XNDC1N: variants seen among roughly 807,000 people sequenced by gnomAD.
XNDC1N encodes protein XNDC1N.
the XNDC1N span, chr11:71,884,340 A>C: frequency 2.8e-6 from 4 of 1,414,080 alleles, no homozygotes; most frequent in Non-Finnish European, 2.8e-6. Context: ...ATTATAAAAC[A>C]TTTCAGACAT....
the XNDC1N span, among the ~76,000 whole-genome samples, chr11:71,899,924 A>T: frequency 0.022 from 3,341 of 152,310 alleles, 116 homozygotes; most frequent in African/African-American, 0.075. Context: ...ACCCGATTGT[A>T]CATTTGTTCA....
At chr11:71,881,690 C>A in the XNDC1N span, among the ~76,000 whole-genome samples, 1 of 151,718 alleles carries the variant, frequency 6.6e-6, no homozygotes, top group African/African-American at 2.4e-5. Context: ...AAGATTGGGA[C>A]TTTAACATAC....
the XNDC1N span, among the ~76,000 whole-genome samples, chr11:71,866,969 C>G: frequency 6.6e-6 from 1 of 152,022 alleles, no homozygotes; most frequent in African/African-American, 2.4e-5. Flanking sequence ...TTTACTATCA[C>G]TAGAAAAAGA....
At chr11:71,902,444 G>C in the XNDC1N span, among the ~76,000 whole-genome samples, 1 of 152,190 alleles carries the variant, frequency 6.6e-6, no homozygotes, top group African/African-American at 2.4e-5. Context: ...GCCCTCCTCG[G>C]CCTCCCAAAG....
the XNDC1N span, among the ~76,000 whole-genome samples, chr11:71,898,871 T>C: frequency 2.0e-5 from 3 of 152,186 alleles, no homozygotes; most frequent in East Asian, 3.8e-4. Flanking sequence ...TAAATGTTTA[T>C]ACTGGCCATT....
chr11:71,908,159 T>C, the XNDC1N span, among the ~76,000 whole-genome samples: 2 of 152,146 alleles, frequency 1.3e-5, no homozygotes, highest in Non-Finnish European at 2.9e-5. Context: ...TTATTCCTCA[T>C]TTATTATTAA....
the XNDC1N span, chr11:71,865,761 GAGA>G: frequency 2.0e-5 from 8 of 400,840 alleles, no homozygotes; most frequent in Non-Finnish European, 2.8e-5. Flanking sequence ...TCAACATTTT[GAGA>G]AGAACAGTTT....
the XNDC1N span, among the ~76,000 whole-genome samples, chr11:71,896,102 A>T: frequency 6.6e-6 from 1 of 151,908 alleles, no homozygotes; most frequent in East Asian, 1.9e-4. Context: ...ACATGATGAA[A>T]CCCCGTCTCC....
chr11:71,888,372 A>T, the XNDC1N span, among the ~76,000 whole-genome samples: 123 of 152,302 alleles, frequency 8.1e-4, 2 homozygotes, highest in African/African-American at 2.9e-3. Flanking sequence ...CAAACTTTGC[A>T]GTATTAGCCA....
the XNDC1N span, among the ~76,000 whole-genome samples, chr11:71,886,703 G>A: frequency 6.6e-6 from 1 of 152,210 alleles, no homozygotes; most frequent in Admixed American, 6.5e-5. Flanking sequence ...GAAAACTGCA[G>A]AAACAGGCTG....
chr11:71,911,899 C>T, the XNDC1N span, among the ~76,000 whole-genome samples: 7 of 152,118 alleles, frequency 4.6e-5, no homozygotes, highest in African/African-American at 1.4e-4. Context: ...CCCTCAAGCA[C>T]CTGATCTTGG....
the XNDC1N span, among the ~76,000 whole-genome samples, chr11:71,921,383 A>C: frequency 5.3e-5 from 8 of 152,050 alleles, no homozygotes; most frequent in African/African-American, 1.9e-4. Context: ...GGCTCAAGCA[A>C]TCTGCCCGCC....
the XNDC1N span, among the ~76,000 whole-genome samples, chr11:71,909,928 T>A: frequency 5.3e-5 from 8 of 151,944 alleles, no homozygotes; most frequent in Non-Finnish European, 1.0e-4. Context: ...AGAGGAGGAA[T>A]GGAGACTTTT....
the XNDC1N span, among the ~76,000 whole-genome samples, chr11:71,920,703 A>G: frequency 6.6e-6 from 1 of 152,224 alleles, no homozygotes; most frequent in Non-Finnish European, 1.5e-5. Context: ...GCTTAGATAT[A>G]AAGTGATATT....
the XNDC1N span, among the ~76,000 whole-genome samples, chr11:71,881,512 T>A: frequency 6.6e-6 from 1 of 152,202 alleles, no homozygotes; most frequent in African/African-American, 2.4e-5. Context: ...CTTCTTGCCA[T>A]GTCCTCTTAT....
the XNDC1N span, among the ~76,000 whole-genome samples, chr11:71,902,480 C>T: frequency 6.6e-6 from 1 of 152,172 alleles, no homozygotes; most frequent in African/African-American, 2.4e-5. Context: ...CGTGAGCCAC[C>T]GCGTCCGGCC....
chr11:71,908,386 G>T, the XNDC1N span, among the ~76,000 whole-genome samples: 2 of 151,078 alleles, frequency 1.3e-5, no homozygotes, highest in African/African-American at 4.9e-5. Flanking sequence ...TATTATTATC[G>T]GTATTGATTT....
the XNDC1N span, among the ~76,000 whole-genome samples, chr11:71,924,201 G>T: frequency 1.3e-5 from 2 of 152,082 alleles, no homozygotes; most frequent in African/African-American, 4.8e-5. Context: ...CATCATCAAT[G>T]ACTTGCTGAT....
the XNDC1N span, chr11:71,893,349 G>A: frequency 8.2e-5 from 48 of 587,750 alleles, 2 homozygotes; most frequent in South Asian, 9.0e-4. Flanking sequence ...TGCTGGCGGT[G>A]TATGGTCCGC....
Sources: gnomAD v4.1 joint callset for allele counts (sites outside exome capture counted in the v4.1 genomes callset) on GRCh38, gnomAD v4.1.1 for gene constraint, MANE v1.5 for transcripts, NCBI Gene and HGNC (gene_info 2026-07-23, HGNC 2026-07-21) for gene names.